GNPAT: variants seen among roughly 807,000 people sequenced by gnomAD.
GNPAT encodes dihydroxyacetone phosphate acyltransferase.
Under a neutral mutation model 78.4 loss-of-function variants are expected in GNPAT, and 30 were observed. The observed-to-expected ratio is 0.38, with a 90% confidence interval of 0.29 to 0.52. The LOEUF is 0.52. Ranked by LOEUF, GNPAT falls within the 20% of genes least tolerant of loss-of-function variation. The probability of loss-of-function intolerance (pLI) is 0.84; values close to 1 mark genes in which losing one functional copy is unlikely to be tolerated. For synonymous variants in GNPAT, 271 were observed against 281.1 expected (o/e 0.96, Z 0.36); for missense variants, 714 against 812.2 (o/e 0.88, Z 1.47).
chr1:231,271,619 C>T (rs1183558661), intron 10 of GNPAT, among the ~76,000 whole-genome samples: 1 of 152,094 alleles, frequency 6.6e-6, no homozygotes, highest in Non-Finnish European at 1.5e-5. Context: ...CACAGTGATT[C>T]TAAGGAAAAG....
At chr1:231,246,983 C>T (rs1017332288) in intron 1 of GNPAT, among the ~76,000 whole-genome samples, 11 of 152,174 alleles carry the variant, frequency 7.2e-5, no homozygotes, top group African/African-American at 2.7e-4. Context: ...TCCTGGCTAA[C>T]ACGGTGAAAC....
At chr1:231,259,490 A>C (rs954680766) in intron 2 of GNPAT, among the ~76,000 whole-genome samples, 4 of 151,954 alleles carry the variant, frequency 2.6e-5, no homozygotes, top group Non-Finnish European at 5.9e-5. Context: ...TCTCCTAAAA[A>C]TACAAAATTA....
chr1:231,270,971 C>T lies in GNPAT; in HGVS notation c.1493C>T (p.Ala498Val), dbSNP rs1373223079. The change falls in exon 10 of 16, where the codon GCA becomes GTA. Residue 498 changes from alanine (A) to valine (V), a missense_variant. By Grantham distance (64) the Ala-to-Val change is moderately conservative. Coordinates refer to ENST00000366647, the MANE Select transcript of GNPAT (RefSeq NM_014236.4). ...IFVRPSLVAV[A>V]LQMTPGFRKE... ...GTGCGCCCATCCTTAGTAGCAGTAGCATTGCAGATGACACCAGGGTTCAGG... is the reference window on the plus strand; with the variant it reads ...GTGCGCCCATCCTTAGTAGCAGTAGTATTGCAGATGACACCAGGGTTCAGG... 6.2e-7 allele frequency: 1 copy of T among 1,614,048 alleles called. No homozygotes were observed. The highest frequency in any genetic ancestry group is 8.5e-7 in the Non-Finnish European group (1 of 1,179,898).
At chr1:231,265,982 G>T in intron 6 of GNPAT, 32 bp from the exon 7 acceptor site, 1 of 1,592,512 alleles carries the variant, frequency 6.3e-7, no homozygotes, top group Non-Finnish European at 8.6e-7. Context: ...TCTTCAATAT[G>T]TTGATGAAGC....
At chr1:231,264,664 A>G (rs751668377) in intron 4 of GNPAT, among the ~76,000 whole-genome samples, 6 of 152,212 alleles carry the variant, frequency 3.9e-5, no homozygotes, top group African/African-American at 7.2e-5. Flanking sequence ...GCTGGTAGCA[A>G]TCTTCCTTTC....
intron 12 of GNPAT, chr1:231,274,964 C>A: frequency 4.9e-6 from 2 of 405,016 alleles, no homozygotes; most frequent in South Asian, 2.4e-5. Context: ...TAACTTGTAC[C>A]CCTTGAAGTG....
At chr1:231,252,611 G>A (rs1684929238) in intron 2 of GNPAT, among the ~76,000 whole-genome samples, 1 of 152,124 alleles carries the variant, frequency 6.6e-6, no homozygotes, top group Non-Finnish European at 1.5e-5. Context: ...ATTTTTGCTA[G>A]CAGCAGTCTC....
intron 8 of GNPAT, 118 bp downstream of exon 8, chr1:231,266,525 C>A: frequency 2.3e-6 from 2 of 866,392 alleles, no homozygotes; most frequent in Non-Finnish European, 3.8e-6. Flanking sequence ...AGAAAATGAT[C>A]AGAAATGCTG....
At chr1:231,276,656 C>G (rs1028509597) in intron 15 of GNPAT, among the ~76,000 whole-genome samples, 1 of 152,348 alleles carries the variant, frequency 6.6e-6, no homozygotes, top group South Asian at 2.1e-4. Context: ...AACCCTTACT[C>G]TTCTCTAGAG....
At chr1:231,246,272 A>G (rs558675394) in intron 1 of GNPAT, among the ~76,000 whole-genome samples, 1 of 152,308 alleles carries the variant, frequency 6.6e-6, no homozygotes, top group East Asian at 1.9e-4. Flanking sequence ...TCCCATATCA[A>G]GCGTTAAATG....
intron 4 of GNPAT, among the ~76,000 whole-genome samples, chr1:231,264,335 G>A (rs1685312681): frequency 6.6e-6 from 1 of 152,148 alleles, no homozygotes; most frequent in Admixed American, 6.5e-5. Context: ...ATAATATTCA[G>A]CAGTGTGGAT....
At position 231,276,112 on chromosome 1, in the gene GNPAT, T is replaced by A. The variant is rs548742103; in HGVS notation, c.1938-23T>A. On this transcript the variant is annotated intron_variant, in intron 14 of 15. Transcript: ENST00000366647. ...CTTTTCCCCAGAGTTTATGTAATAA[T>A]AAAGCTTATTATTTTCTCCTAGAAA... is the stretch of plus-strand genomic sequence containing the variant. 9.2e-6 allele frequency: 9 copies of A among 981,920 alleles called. No individual in the cohort carries two copies. The East Asian group carries it at 1.7e-4, about 19-fold the overall frequency. 60.8% of individuals were successfully genotyped at this position (981,920 alleles called of 1,614,324 possible).
chr1:231,266,965 C>T (rs1239561941), intron 8 of GNPAT, among the ~76,000 whole-genome samples: 3 of 152,240 alleles, frequency 2.0e-5, no homozygotes, highest in African/African-American at 7.2e-5. Flanking sequence ...GCCTCATGTG[C>T]TGCAACATCA....
intron 9 of GNPAT, among the ~76,000 whole-genome samples, chr1:231,268,602 C>G (rs1050060069): frequency 1.5e-4 from 20 of 131,354 alleles, no homozygotes; most frequent in African/African-American, 5.1e-4. Flanking sequence ...TAGTGAGACC[C>G]CATCTCCAAA....
intron 2 of GNPAT, among the ~76,000 whole-genome samples, chr1:231,254,680 C>T (rs1045668911): frequency 6.6e-6 from 1 of 151,704 alleles, no homozygotes; most frequent in African/African-American, 2.4e-5. Context: ...GATCTCCTGA[C>T]CTCGTGATCC....
At chr1:231,275,611 A>G (rs1393700739) in intron 14 of GNPAT, 113 bp downstream of exon 14, 1 of 739,304 alleles carries the variant, frequency 1.4e-6, no homozygotes, top group South Asian at 1.4e-5. Flanking sequence ...GCTATATTCT[A>G]CTTTCCTTAT....
rs139272614 is a variant in GNPAT, at chr1:231,267,719, T to C, written c.1095T>C (p.Phe365=). ...AACAGTCTGAGGACATGCATGCCTTTGTCACTGAAGTTGCCTACAAAATGG... is the reference window on the plus strand; with the variant it reads ...AACAGTCTGAGGACATGCATGCCTTCGTCACTGAAGTTGCCTACAAAATGG... ...PQKQSEDMHA[F]VTEVAYKMEL... The change falls in exon 9 of 16, where the codon TTT becomes TTC. Residue 365 remains phenylalanine (F), a synonymous_variant. Transcript: ENST00000366647. 968 of 1,611,282 alleles carry C rather than the reference T, an allele frequency of 6.0e-4. 1 individual carries two copies. The highest frequency in any genetic ancestry group is 7.6e-4 in the Non-Finnish European group (898 of 1,177,374).
Position 231,272,403 on chromosome 1 carries a change from A to G in GNPAT, c.1602+12A>G. On this transcript the variant is annotated intron_variant, in intron 11 of 15. Coordinates refer to ENST00000366647, the MANE Select transcript of GNPAT (RefSeq NM_014236.4). ...GAAACACACTAAAGGTAAAGTGCTT[A>G]CAACAAAGAGCAAGTATGTTTGCAG... The G allele has an allele frequency of 1.4e-6, 2 of 1,391,026 alleles. No homozygotes were observed. The highest frequency in any genetic ancestry group is 1.0e-6 in the Non-Finnish European group (1 of 978,184). 86.2% of individuals were successfully genotyped at this position (1,391,026 alleles called of 1,614,324 possible).
chr1:231,273,737 A>G (rs561108004), intron 11 of GNPAT, among the ~76,000 whole-genome samples, 185 bp from the exon 12 acceptor site: 2 of 152,304 alleles, frequency 1.3e-5, no homozygotes, highest in East Asian at 1.9e-4. Context: ...TCTGGCTACT[A>G]TCTCACAACC....
Sources: allele counts gnomAD v4.1 joint callset (sites outside exome capture counted in the v4.1 genomes callset), GRCh38; gene constraint gnomAD v4.1.1; transcripts MANE v1.5; gene names NCBI Gene and HGNC (gene_info 2026-07-23, HGNC 2026-07-21).